The following PLCXD2 variants were observed in gnomAD, a reference collection of about 807,000 sequenced individuals.
The protein encoded by PLCXD2 is phosphatidylinositol specific phospholipase C X domain containing 2.
Under a neutral mutation model 28.6 loss-of-function variants are expected in PLCXD2, and 21 were observed. The ratio of observed to expected loss-of-function variants is 0.73; its 90% confidence interval spans 0.52 to 1.06. The LOEUF (loss-of-function observed/expected upper bound fraction) is 1.06. Among genes scored for constraint, PLCXD2 ranks in the 50% least tolerant of loss-of-function variants. The probability of loss-of-function intolerance (pLI) is 0.00; values close to 1 mark genes in which losing one functional copy is unlikely to be tolerated. For missense variants in PLCXD2, 369 were observed against 376.7 expected (o/e 0.98, Z 0.17); for synonymous variants, 140 against 150.1 (o/e 0.93, Z 0.49).
intron 3 of PLCXD2, chr3:111,722,107 G>A (rs1040285094): frequency 2.0e-5 from 3 of 152,130 alleles, no homozygotes; most frequent in African/African-American, 7.2e-5. Context: ...ACTGCATGAG[G>A]ACTTTGAAAC....
chr3:111,681,101 G>T (rs563733981), intron 1 of PLCXD2, among the ~76,000 whole-genome samples: 2 of 152,288 alleles, frequency 1.3e-5, no homozygotes, highest in African/African-American at 4.8e-5. Flanking sequence ...CTGACTCAGT[G>T]TTCTCTGTCT....
At position 111,675,235 on chromosome 3, in the gene PLCXD2, TAAC is replaced by T; in HGVS notation, c.-6_-4del. ...ACTGGGCTGAGACTGGCCAGTTTGT[TAAC>T]AACAGGGATGCTAGCAGTTAGGAAG... On this transcript the variant is annotated 5_prime_UTR_variant, in exon 1 of 5. Coordinates refer to ENST00000477665, the MANE Select transcript of PLCXD2 (RefSeq NM_001185106.1). 1.2e-6 allele frequency: 2 copies of T among 1,612,002 alleles called. No individual in the cohort carries two copies. Among genetic ancestry groups the T allele is most frequent in the Non-Finnish European group, 1.7e-6 (2 of 1,178,434 alleles).
chr3:111,691,123 A>G (rs1940870807), intron 1 of PLCXD2, among the ~76,000 whole-genome samples: 1 of 152,200 alleles, frequency 6.6e-6, no homozygotes, highest in Non-Finnish European at 1.5e-5. Context: ...AGCAATAAAT[A>G]CCACTTTAGG....
At chr3:111,705,602 A>T (rs1219265012) in intron 1 of PLCXD2, among the ~76,000 whole-genome samples, 1 of 151,696 alleles carries the variant, frequency 6.6e-6, no homozygotes, top group Non-Finnish European at 1.5e-5. Context: ...TTCCATAATG[A>T]CTGTACTACT....
At chr3:111,698,868 C>G (rs1940999903) in intron 1 of PLCXD2, among the ~76,000 whole-genome samples, 1 of 152,220 alleles carries the variant, frequency 6.6e-6, no homozygotes, top group Non-Finnish European at 1.5e-5. Context: ...ATTTCCCCCC[C>G]TCCTCCCCTG....
intron 1 of PLCXD2, chr3:111,692,653 G>C (rs1019803097): frequency 6.6e-6 from 1 of 152,146 alleles, no homozygotes. Flanking sequence ...TTTATTGAGA[G>C]GGTAACCAAA....
At chr3:111,720,894 A>T in intron 3 of PLCXD2, 1 of 416,734 alleles carries the variant, frequency 2.4e-6, no homozygotes, top group East Asian at 3.6e-5. Flanking sequence ...TTAATTTTTA[A>T]TTTAACCTTA....
At chr3:111,711,986 A>G (rs1941205157) in intron 2 of PLCXD2, among the ~76,000 whole-genome samples, 1 of 152,204 alleles carries the variant, frequency 6.6e-6, no homozygotes, top group African/African-American at 2.4e-5. Flanking sequence ...AAAACTGAAC[A>G]TGAACCACTG....
intron 1 of PLCXD2, among the ~76,000 whole-genome samples, chr3:111,704,058 T>A (rs954231927): frequency 6.6e-6 from 1 of 152,232 alleles, no homozygotes; most frequent in Non-Finnish European, 1.5e-5. Context: ...ATGATTTGTT[T>A]TCAAGAAAAT....
chr3:111,698,098 C>A (rs1313577843), intron 1 of PLCXD2, among the ~76,000 whole-genome samples: 1 of 152,042 alleles, frequency 6.6e-6, no homozygotes. Context: ...TATTTAAAAA[C>A]CAGAATTATT....
intron 1 of PLCXD2, among the ~76,000 whole-genome samples, chr3:111,705,272 TC>T (rs1941101128): frequency 6.6e-6 from 1 of 152,230 alleles, no homozygotes; most frequent in South Asian, 2.1e-4. Flanking sequence ...TATTTATCTT[TC>T]TGTGCCTGAC....
chr3:111,702,680 C>A (rs1941060237), intron 1 of PLCXD2, among the ~76,000 whole-genome samples: 1 of 151,782 alleles, frequency 6.6e-6, no homozygotes, highest in Non-Finnish European at 1.5e-5. Flanking sequence ...CTATCCCTAC[C>A]AATTCCCAAG....
chr3:111,681,299 C>T (rs891026983), intron 1 of PLCXD2, among the ~76,000 whole-genome samples: 1 of 152,222 alleles, frequency 6.6e-6, no homozygotes, highest in Non-Finnish European at 1.5e-5. Context: ...CCAAATTCAG[C>T]TGTCAGACTG....
intron 1 of PLCXD2, among the ~76,000 whole-genome samples, chr3:111,678,507 T>C (rs1420683077): frequency 6.6e-6 from 1 of 152,240 alleles, no homozygotes; most frequent in Non-Finnish European, 1.5e-5. Context: ...ATGAATTTTT[T>C]CTCTGTACAT....
At chr3:111,696,252 G>A (rs186456148) in intron 1 of PLCXD2, among the ~76,000 whole-genome samples, 290 of 152,280 alleles carry the variant, frequency 1.9e-3, no homozygotes, top group African/African-American at 6.5e-3. Context: ...ACCTAGTTGA[G>A]CCTTTACTGC....
intron 1 of PLCXD2, among the ~76,000 whole-genome samples, chr3:111,696,750 G>A (rs763856687): frequency 7.4e-4 from 113 of 152,244 alleles, no homozygotes; most frequent in Admixed American, 1.8e-3. Flanking sequence ...ACGATGGACC[G>A]ACCAGATGAT....
intron 3 of PLCXD2, chr3:111,721,360 G>C (rs1157897102): frequency 1.3e-5 from 2 of 152,222 alleles, no homozygotes; most frequent in African/African-American, 4.8e-5. Flanking sequence ...GGGGCTCTGA[G>C]GGGGAAAAGA....
At chr3:111,698,605 T>G (rs537493079) in intron 1 of PLCXD2, among the ~76,000 whole-genome samples, 11 of 152,192 alleles carry the variant, frequency 7.2e-5, no homozygotes, top group Non-Finnish European at 1.5e-4. Context: ...AAGAAGAAAT[T>G]CAGTGGTTCC....
intron 1 of PLCXD2, among the ~76,000 whole-genome samples, chr3:111,676,298 G>A (rs1439052731): frequency 1.3e-5 from 2 of 152,186 alleles, no homozygotes; most frequent in Admixed American, 6.5e-5. Flanking sequence ...TTCACTCGGA[G>A]ACATAACAAT....
Sources: allele counts gnomAD v4.1 joint callset (sites outside exome capture counted in the v4.1 genomes callset), GRCh38; gene constraint gnomAD v4.1.1; transcripts MANE v1.5; gene names NCBI Gene and HGNC (gene_info 2026-07-23, HGNC 2026-07-21).